Variants in KRT35 observed in about 807,000 individuals in gnomAD.
The protein encoded by KRT35 is keratin, type I cuticular Ha5.
KRT35 carries 33 observed loss-of-function variants against 42.2 expected under a neutral mutation model. The ratio of observed to expected loss-of-function variants is 0.78; its 90% confidence interval spans 0.59 to 1.05. The LOEUF (loss-of-function observed/expected upper bound fraction) is 1.05, where lower values mean the gene tolerates loss of function less well. Among genes scored for constraint, KRT35 ranks in the 50% least tolerant of loss-of-function variants. The pLI, the probability that KRT35 is intolerant of heterozygous loss-of-function variation, is 0.00. For synonymous variants in KRT35, 218 were observed against 238.2 expected (o/e 0.92, Z 0.78); for missense variants, 585 against 589.2 (o/e 0.99, Z 0.07).
Position 41,478,880 on chromosome 17 carries a change from A to C in KRT35, c.827T>G (p.Leu276Arg). Residue 276 changes from leucine to arginine, a missense_variant, in exon 4 of 7, where the codon CTG (leucine) becomes CGG (arginine). By Grantham distance (102) the Leu-to-Arg change is moderately radical (BLOSUM62 -2). Coordinates refer to ENST00000246639, the MANE Select transcript of KRT35 (RefSeq NM_002280.6). Reference protein sequence around the residue: ...LEEMRCQYETLVENNRRDAED... With the variant: ...LEEMRCQYETRVENNRRDAED... The stretch of plus-strand genomic sequence containing the variant: ...AGCATCCCGGCGGTTATTCTCCACC[A>C]GGGTTTCATACTGGCACCTCATCTC... 6.2e-7 allele frequency: 1 copy of C among 1,613,954 alleles called. No individual in the cohort carries two copies. The highest frequency in any genetic ancestry group is 8.5e-7 in the Non-Finnish European group (1 of 1,179,946).
Position 41,479,346 on chromosome 17 carries a change from C to T in KRT35, c.711+1G>A, listed in dbSNP as rs545586690. On this transcript the variant is annotated splice_donor_variant, in intron 3 of 6. Transcript: ENST00000246639. LOFTEE classifies it high-confidence loss of function. ...GTGTTCACCTTTTCCCCCATGCTCA[C>T]CTCCTCATGGTTCTTCTTCAGGCAG... 2.5e-6 allele frequency: 4 copies of T among 1,613,672 alleles called. No individual in the cohort carries two copies. The highest frequency in any genetic ancestry group is 1.7e-5 in the Admixed American group (1 of 60,004).
chr17:41,479,045 G>GGTTCACCTCCTCCTCAT (rs2019218786), intron 3 of KRT35, 50 bp from the exon 4 acceptor site: 1 of 1,549,332 alleles, frequency 6.5e-7, no homozygotes, highest in African/African-American at 1.4e-5. Flanking sequence ...CTGCCTCCAA[G>GGTTCACCTCCTCCTCAT]GTTCACCTCC....
intron 1 of KRT35, 68 bp downstream of exon 1, chr17:41,480,559 A>T: frequency 7.9e-7 from 1 of 1,259,716 alleles, no homozygotes; most frequent in Admixed American, 1.8e-5. Context: ...CCCTATGGGA[A>T]CAGAACTACC....
intron 1 of KRT35, among the ~76,000 whole-genome samples, chr17:41,480,030 G>A (rs1266310924): frequency 6.6e-6 from 1 of 152,186 alleles, no homozygotes; most frequent in Non-Finnish European, 1.5e-5. Context: ...CAACAGGAAA[G>A]GCCTGGCATG....
chr17:41,477,473 G>T lies in KRT35; in HGVS notation c.1220+45C>A. ...GCACCATGCTGTCTTCCCAGAACTTGGTAGATTGCAGTGAGAAGACAAGAG... is the reference window on the plus strand; with the variant it reads ...GCACCATGCTGTCTTCCCAGAACTTTGTAGATTGCAGTGAGAAGACAAGAG... On this transcript the variant is annotated intron_variant, in intron 6 of 6. Transcript: ENST00000246639. 6.2e-6 allele frequency: 10 copies of T among 1,605,626 alleles called. 2 individuals are homozygous for T. In the South Asian group the frequency reaches 1.1e-4, roughly 18 times the overall value.
rs549173516 is a variant in KRT35 at position 41,479,600 on chromosome 17, T to G, written c.555-97A>C. ...GTCCAGGTGCTGTGAGTCCTGCTTT[T>G]ATGCCCCAATGACAGAGTACAGCCA... On this transcript the variant is annotated intron_variant, in intron 2 of 6. Transcript: ENST00000246639. 6.1e-5 allele frequency: 95 copies of G among 1,567,958 alleles called. No individual in the cohort carries two copies. In the African/African-American group the frequency reaches 1.2e-3, roughly 20 times the overall value.
chr17:41,477,294 C>T (rs1397201132), intron 6 of KRT35, 91 bp from the exon 7 acceptor site: 1 of 1,469,208 alleles, frequency 6.8e-7, no homozygotes, highest in African/African-American at 1.4e-5. Context: ...TGGGAAGCAC[C>T]CTAAAAACCA....
chr17:41,479,880 C>A, intron 1 of KRT35, 99 bp from the exon 2 acceptor site: 1 of 934,918 alleles, frequency 1.1e-6, no homozygotes. Flanking sequence ...GAGGAAGTCA[C>A]CCATCCTAGA....
At chr17:41,478,072 T>C (rs1037903366) in intron 5 of KRT35, among the ~76,000 whole-genome samples, 4 of 152,156 alleles carry the variant, frequency 2.6e-5, no homozygotes, top group African/African-American at 9.7e-5. Flanking sequence ...TATCTCCCTG[T>C]TAGTGTCATC....
intron 5 of KRT35, among the ~76,000 whole-genome samples, 159 bp from the exon 6 acceptor site, chr17:41,477,897 G>T (rs4796745): frequency 0.16 from 23,925 of 151,864 alleles, 2,215 homozygotes; most frequent in East Asian, 0.22. Flanking sequence ...GAGGAAAAAG[G>T]CTAGAGGTCA....
Position 41,478,961 on chromosome 17 carries a change from C to T in KRT35, c.746G>A (p.Arg249His), listed in dbSNP as rs143386151. 505 of 1,613,740 alleles carry T rather than the reference C, an allele frequency of 3.1e-4. 1 individual carries two copies. The highest frequency in any genetic ancestry group is 5.3e-4 in the African/African-American group (40 of 75,012). The change falls in exon 4 of 7, where the codon CGC (arginine) becomes CAC (histidine). Residue 249 changes from arginine (R) to histidine (H), a missense_variant. By Grantham distance (29) the Arg-to-His change is conservative. Coordinates refer to ENST00000246639, the MANE Select transcript of KRT35 (RefSeq NM_002280.6). ...VNSLRCQLGD[R>H]LNVEVDAAPP... is the part of the protein sequence containing the mutation. The stretch of plus-strand genomic sequence containing the variant: ...GGCAGCGTCCACCTCAACATTGAGG[C>T]GGTCACCAAGTTGGCAGCGCAGTGA...
Position 41,480,946 on chromosome 17 carries a change from G to T in KRT35, c.152C>A (p.Ala51Asp). The change falls in exon 1 of 7, where the codon GCC becomes GAC. Residue 51 changes from alanine (A) to aspartate (D), a missense_variant. Coordinates refer to ENST00000246639, the MANE Select transcript of KRT35 (RefSeq NM_002280.6). ...SLSPVARSFS[A>D]CSVGLGRSSY... ...GCTTCTGCCCAGACCCACTGAGCAG[G>T]CAGAGAAACTTCTGGCCACAGGGGA... 6.2e-7 allele frequency: 1 copy of T among 1,614,176 alleles called. No homozygotes were observed. Among genetic ancestry groups the T allele is most frequent in the Non-Finnish European group, 8.5e-7 (1 of 1,180,038 alleles).
chr17:41,479,959 G>A (rs891291949), intron 1 of KRT35, among the ~76,000 whole-genome samples, 178 bp from the exon 2 acceptor site: 3 of 152,174 alleles, frequency 2.0e-5, no homozygotes, highest in Non-Finnish European at 4.4e-5. Context: ...AAAGTCCAGG[G>A]TTTCTTCCAG....
Position 41,480,943 on chromosome 17 carries a change from C to G in KRT35, c.155G>C (p.Cys52Ser), listed in dbSNP as rs762865803. The change falls in exon 1 of 7, where the codon TGC (cysteine) becomes TCC (serine). Residue 52 changes from cysteine (C) to serine (S), a missense_variant. Coordinates refer to ENST00000246639, the MANE Select transcript of KRT35 (RefSeq NM_002280.6). ...LSPVARSFSA[C>S]SVGLGRSSYR... ...GCTGCTTCTGCCCAGACCCACTGAGCAGGCAGAGAAACTTCTGGCCACAGG... is the reference window on the plus strand; with the variant it reads ...GCTGCTTCTGCCCAGACCCACTGAGGAGGCAGAGAAACTTCTGGCCACAGG... 2 of 1,614,162 alleles carry G rather than the reference C, an allele frequency of 1.2e-6. No homozygotes were observed. Among genetic ancestry groups the G allele is most frequent in the South Asian group, 2.2e-5 (2 of 91,090 alleles).
chr17:41,479,218 G>A, intron 3 of KRT35, 129 bp downstream of exon 3: 1 of 1,103,056 alleles, frequency 9.1e-7, no homozygotes, highest in Non-Finnish European at 1.3e-6. Flanking sequence ...TCTTCCCTAT[G>A]CACACCTGCT....
At chr17:41,478,261 AC>A (rs2019205992) in intron 5 of KRT35, 99 bp downstream of exon 5, 3 of 1,326,388 alleles carry the variant, frequency 2.3e-6, no homozygotes, top group Non-Finnish European at 3.1e-6. Flanking sequence ...AAGAACATGG[AC>A]CCCTGGAGTC....
chr17:41,478,512 G>A, intron 4 of KRT35, 26 bp from the exon 5 acceptor site: 1 of 1,608,614 alleles, frequency 6.2e-7, no homozygotes, highest in Non-Finnish European at 8.5e-7. Flanking sequence ...ACAGAACCTG[G>A]TCAGCCACAC....
intron 1 of KRT35, 127 bp from the exon 2 acceptor site, chr17:41,479,908 G>A: frequency 1.4e-6 from 1 of 715,342 alleles, no homozygotes; most frequent in Non-Finnish European, 2.4e-6. Context: ...TACTCCATGT[G>A]CATTGGAGTG....
intron 2 of KRT35, 31 bp downstream of exon 2, chr17:41,479,668 C>T (rs940717417): frequency 1.2e-6 from 2 of 1,605,382 alleles, no homozygotes; most frequent in Non-Finnish European, 1.7e-6. Flanking sequence ...TTCTAGCAGC[C>T]CCCAACCACA....
Sources: gnomAD v4.1 joint callset for allele counts (sites outside exome capture counted in the v4.1 genomes callset) on GRCh38, gnomAD v4.1.1 for gene constraint, MANE v1.5 for transcripts, NCBI Gene and HGNC (gene_info 2026-07-23, HGNC 2026-07-21) for gene names.